The following STX19 variants were observed in gnomAD, a reference collection of about 807,000 sequenced individuals.
STX19 encodes the protein syntaxin 19.
In STX19, 26 loss-of-function variants were observed where a neutral mutation model predicts 24.3. That is an observed-to-expected ratio of 1.07 (90% CI 0.78 to 1.48). The LOEUF (loss-of-function observed/expected upper bound fraction) is 1.48, where lower values mean the gene tolerates loss of function less well. Among genes scored for constraint, STX19 ranks in the 40% most tolerant of loss-of-function variants. The pLI, the probability that STX19 is intolerant of heterozygous loss-of-function variation, is 0.00. For missense variants in STX19, 367 were observed against 331.9 expected (o/e 1.11, Z -0.82); for synonymous variants, 116 against 106.9 (o/e 1.09, Z -0.52).
At chr3:94,016,896 T>G (rs1293012057) in intron 1 of STX19, among the ~76,000 whole-genome samples, 1 of 152,136 alleles carries the variant, frequency 6.6e-6, no homozygotes, top group Non-Finnish European at 1.5e-5. Context: ...CCGCCCACCT[T>G]GGCCTCCCAA....
chr3:94,024,644 G>A (rs2076518459), intron 1 of STX19, among the ~76,000 whole-genome samples: 1 of 152,114 alleles, frequency 6.6e-6, no homozygotes, highest in Non-Finnish European at 1.5e-5. Context: ...AGAGTATAGT[G>A]GCTCAATTGC....
At chr3:94,025,527 G>T (rs1203131690) in intron 1 of STX19, among the ~76,000 whole-genome samples, 1 of 152,128 alleles carries the variant, frequency 6.6e-6, no homozygotes, top group Non-Finnish European at 1.5e-5. Context: ...TCCTATGTTT[G>T]CTGTGGCCAC....
At chr3:94,025,518 C>A (rs191426586) in intron 1 of STX19, among the ~76,000 whole-genome samples, 5 of 152,226 alleles carry the variant, frequency 3.3e-5, no homozygotes, top group Non-Finnish European at 7.4e-5. Context: ...GGAGTAAATT[C>A]CTATGTTTGC....
intron 1 of STX19, 24 bp downstream of exon 1, chr3:94,028,343 G>C (rs1017406611): frequency 6.6e-6 from 1 of 152,172 alleles, no homozygotes; most frequent in Non-Finnish European, 1.5e-5. Context: ...ATATTAAAAA[G>C]TACAGAAAAG....
chr3:94,024,187 T>C (rs1284509476), intron 1 of STX19, among the ~76,000 whole-genome samples: 2 of 152,226 alleles, frequency 1.3e-5, no homozygotes, highest in Non-Finnish European at 2.9e-5. Context: ...CAGGCTGGTC[T>C]TGAACTCCTA....
At chr3:94,024,136 T>C (rs2076506709) in intron 1 of STX19, among the ~76,000 whole-genome samples, 2 of 152,232 alleles carry the variant, frequency 1.3e-5, no homozygotes, top group South Asian at 4.1e-4. Context: ...AAAAATTAAT[T>C]AATTAATCAA....
In STX19 at chr3:94,015,253, T is replaced by G; in HGVS notation, c.17A>C (p.Gln6Pro). 1.3e-6 allele frequency: 2 copies of G among 1,545,422 alleles called. No individual in the cohort carries two copies. Among genetic ancestry groups the G allele is most frequent in the Non-Finnish European group, 1.7e-6 (2 of 1,150,550 alleles). MKDRL[Q>P]ELKQRTKEIE... ...TTCCTTTGTTCTCTGCTTTAGTTCT[T>G]GAAGTCGGTCTTTCATCTTCCCTTT... is the stretch of plus-strand genomic sequence containing the variant. Residue 6 changes from glutamine to proline, a missense_variant, in exon 2 of 2, where the codon CAA (glutamine) becomes CCA (proline). By Grantham distance (76) the Gln-to-Pro change is moderately conservative. Transcript: ENST00000315099.
intron 1 of STX19, among the ~76,000 whole-genome samples, chr3:94,015,669 T>C (rs1232149019): frequency 6.6e-6 from 1 of 152,180 alleles, no homozygotes; most frequent in Non-Finnish European, 1.5e-5. Flanking sequence ...AAAGATACTG[T>C]TTCCGGTTAA....
rs1425634146 is a variant in STX19 at position 94,014,642 on chromosome 3, A to G, written c.628T>C (p.Ser210Pro). Reference sequence around the variant, plus strand: ...TCCTTGTGTCTCTGTTCAATCTCTGAAAGTTGTGCTTTAGTGATATTGATT... The same window carrying G: ...TCCTTGTGTCTCTGTTCAATCTCTGGAAGTTGTGCTTTAGTGATATTGATT... Reference protein sequence around the residue: ...TEINITKAQLSEIEQRHKELV... With the variant: ...TEINITKAQLPEIEQRHKELV... Residue 210 changes from serine to proline, a missense_variant, in exon 2 of 2, where the codon TCA becomes CCA. Ser to Pro is a moderately conservative substitution (Grantham distance 74). Coordinates refer to ENST00000315099, the MANE Select transcript of STX19 (RefSeq NM_001001850.3). 6.2e-7 allele frequency: 1 copy of G among 1,613,638 alleles called. No homozygotes were observed. Among genetic ancestry groups the G allele is most frequent in the South Asian group, 1.1e-5 (1 of 90,994 alleles).
At chr3:94,020,872 C>G (rs2076432873) in intron 1 of STX19, among the ~76,000 whole-genome samples, 1 of 152,054 alleles carries the variant, frequency 6.6e-6, no homozygotes, top group Non-Finnish European at 1.5e-5. Flanking sequence ...TAAAAAAGTT[C>G]AGTCAGTACA....
intron 1 of STX19, among the ~76,000 whole-genome samples, chr3:94,016,675 C>CT (rs1324984853): frequency 1.4e-5 from 2 of 142,606 alleles, no homozygotes; most frequent in Non-Finnish European, 3.0e-5. Context: ...GAGATGGAGT[C>CT]TTGCTCTGAT....
intron 1 of STX19, among the ~76,000 whole-genome samples, chr3:94,022,931 C>G (rs1414060368): frequency 6.6e-6 from 1 of 151,810 alleles, no homozygotes; most frequent in Non-Finnish European, 1.5e-5. Flanking sequence ...TTGAACATAT[C>G]CTCTTGACAT....
chr3:94,025,673 G>T (rs1436816161), intron 1 of STX19, among the ~76,000 whole-genome samples: 3 of 152,030 alleles, frequency 2.0e-5, no homozygotes, highest in Admixed American at 1.3e-4. Flanking sequence ...CTATTTTTTT[G>T]ATTGTCACTA....
intron 1 of STX19, among the ~76,000 whole-genome samples, chr3:94,020,636 T>G: frequency 6.6e-6 from 1 of 152,130 alleles, no homozygotes; most frequent in Non-Finnish European, 1.5e-5. Context: ...CAGGAAAAGG[T>G]GTTTTATAGA....
chr3:94,019,569 A>G (rs1028173347), intron 1 of STX19, among the ~76,000 whole-genome samples: 3 of 151,670 alleles, frequency 2.0e-5, no homozygotes, highest in African/African-American at 7.3e-5. Context: ...TTTTGCACCA[A>G]CTACCCCCCA....
At chr3:94,019,577 C>G (rs967957742) in intron 1 of STX19, among the ~76,000 whole-genome samples, 1 of 151,318 alleles carries the variant, frequency 6.6e-6, no homozygotes, top group Non-Finnish European at 1.5e-5. Context: ...CAACTACCCC[C>G]CATCCTGCCC....
At chr3:94,016,670 G>A (rs1160616766) in intron 1 of STX19, among the ~76,000 whole-genome samples, 32 of 142,412 alleles carry the variant, frequency 2.2e-4, no homozygotes, top group Non-Finnish European at 4.7e-4. Context: ...TTTTGGAGAT[G>A]GAGTCTTGCT....
At chr3:94,023,875 T>A (rs1188520004) in intron 1 of STX19, among the ~76,000 whole-genome samples, 10 of 147,856 alleles carry the variant, frequency 6.8e-5, no homozygotes, top group Admixed American at 6.8e-5. Flanking sequence ...TAAAATAATG[T>A]TGTTGTTTGA....
intron 1 of STX19, among the ~76,000 whole-genome samples, chr3:94,021,491 G>A (rs2076448516): frequency 6.6e-6 from 1 of 152,068 alleles, no homozygotes; most frequent in South Asian, 2.1e-4. Flanking sequence ...CACCATGCCT[G>A]GCCAAATATT....
Sources: gnomAD v4.1 joint callset for allele counts (sites outside exome capture counted in the v4.1 genomes callset) on GRCh38, gnomAD v4.1.1 for gene constraint, MANE v1.5 for transcripts, NCBI Gene and HGNC (gene_info 2026-07-23, HGNC 2026-07-21) for gene names.